Variants in CSMD1 observed in about 807,000 individuals in gnomAD.
The protein encoded by CSMD1 is CUB and Sushi multiple domains 1.
A neutral mutation model predicts 417.5 loss-of-function variants in CSMD1; 213 were observed. That is an observed-to-expected ratio of 0.51 (90% CI 0.46 to 0.57). The LOEUF is 0.57. Among genes scored for constraint, CSMD1 ranks in the 20% least tolerant of loss-of-function variants. The pLI, the probability that CSMD1 is intolerant of heterozygous loss-of-function variation, is 0.00. For synonymous variants in CSMD1, 2,862 were observed against 1,736.8 expected (o/e 1.65, Z -16.11); for missense variants, 6,923 against 4,529.7 (o/e 1.53, Z -15.17).
rs1159576856 is a variant in CSMD1 at position 3,411,676 on chromosome 8, A to C, written c.1562-2071T>G. 4.3e-5 allele frequency among the ~76,000 whole-genome samples: 3 copies of C among 70,144 alleles called. 1 individual carries two copies. The highest frequency in any genetic ancestry group is 1.3e-4 in the Admixed American group (1 of 7,504). The allele number at this position is 70,144 out of a possible 152,430, so 46.0% of individuals were successfully genotyped here. On this transcript the variant is annotated intron_variant, in intron 12 of 69. Transcript: ENST00000635120. ...CCATCATATATATATATACGTGTAT[A>C]TATACGTGTATATATACACACGTAT...
chr8:4,443,173 T>C (rs920375041), intron 2 of CSMD1, among the ~76,000 whole-genome samples: 58 of 152,348 alleles, frequency 3.8e-4, no homozygotes, highest in Non-Finnish European at 1.0e-4. Context: ...GGTAGAATTC[T>C]TACAGTGATA....
chr8:3,916,945 C>T (rs1373539921), intron 5 of CSMD1, among the ~76,000 whole-genome samples: 1 of 152,080 alleles, frequency 6.6e-6, no homozygotes, highest in Non-Finnish European at 1.5e-5. Flanking sequence ...CTAAAAGCTG[C>T]TCCTTCTCCT....
At chr8:4,725,237 T>A (rs925219306) in intron 1 of CSMD1, among the ~76,000 whole-genome samples, 15 of 152,296 alleles carry the variant, frequency 9.8e-5, no homozygotes, top group Admixed American at 9.8e-4. Context: ...CTGTTTAGTA[T>A]CACGAGCAAA....
chr8:4,801,971 C>G (rs1456216691), intron 1 of CSMD1, among the ~76,000 whole-genome samples: 1 of 152,172 alleles, frequency 6.6e-6, no homozygotes, highest in African/African-American at 2.4e-5. Context: ...TTCATATTTA[C>G]TGCATCCATC....
At chr8:4,263,922 A>G (rs1376437230) in intron 3 of CSMD1, among the ~76,000 whole-genome samples, 1 of 152,180 alleles carries the variant, frequency 6.6e-6, no homozygotes, top group East Asian at 1.9e-4. Context: ...TTTTCTAAAT[A>G]CAGTGTTTTT....
intron 9 of CSMD1, among the ~76,000 whole-genome samples, chr8:3,581,462 T>C (rs1198595826): frequency 2.0e-5 from 3 of 152,212 alleles, no homozygotes; most frequent in Non-Finnish European, 2.9e-5. Context: ...AATGTAAGCA[T>C]TGGCTAACCA....
intron 3 of CSMD1, among the ~76,000 whole-genome samples, chr8:4,244,124 G>C (rs1356476631): frequency 6.6e-6 from 1 of 152,144 alleles, no homozygotes; most frequent in Non-Finnish European, 1.5e-5. Flanking sequence ...GTGCGGATGA[G>C]TTTCGCGCAG....
At chr8:4,055,720 T>C (rs1170134860) in intron 3 of CSMD1, among the ~76,000 whole-genome samples, 1 of 152,128 alleles carries the variant, frequency 6.6e-6, no homozygotes, top group Non-Finnish European at 1.5e-5. Context: ...TAATTACAAA[T>C]AAAAACTTGC....
rs555284434 is a variant in CSMD1 at position 4,326,785 on chromosome 8, T to C, written c.415+93168A>G. On this transcript the variant is annotated intron_variant, in intron 3 of 69. Transcript: ENST00000635120. Reference sequence around the variant, plus strand: ...GAAGATGAGGTACGCAGAAATGGAATTCAGCTAAGAAATCACCAAGAAAAC... The same window carrying C: ...GAAGATGAGGTACGCAGAAATGGAACTCAGCTAAGAAATCACCAAGAAAAC... Among the ~76,000 whole-genome samples the C allele has an allele frequency of 5.9e-5, 9 of 152,254 alleles. No homozygotes were observed. The East Asian group carries it at 1.4e-3, about 23-fold the overall frequency.
chr8:3,845,505 G>C (rs944746079), intron 5 of CSMD1, among the ~76,000 whole-genome samples: 28 of 152,122 alleles, frequency 1.8e-4, no homozygotes, highest in African/African-American at 6.8e-4. Context: ...ACCTGTACAG[G>C]GTACTTGCCA....
At chr8:3,293,840 T>C (rs186216071) in intron 25 of CSMD1, among the ~76,000 whole-genome samples, 7 of 152,340 alleles carry the variant, frequency 4.6e-5, no homozygotes, top group Admixed American at 4.6e-4. Flanking sequence ...TCAAAGTCAT[T>C]CTCCATCCAG....
chr8:4,694,855 T>A (rs78418611), intron 1 of CSMD1, among the ~76,000 whole-genome samples: 7,568 of 152,236 alleles, frequency 0.05, 192 homozygotes, highest in East Asian at 0.092. Context: ...TCTCGTTTCA[T>A]AGCTCTCAGC....
At chr8:3,533,746 G>C (rs572126273) in intron 10 of CSMD1, among the ~76,000 whole-genome samples, 2 of 152,278 alleles carry the variant, frequency 1.3e-5, no homozygotes, top group South Asian at 2.1e-4. Context: ...GCTCCAAGGT[G>C]CTTGAGGCAT....
chr8:4,640,368 A>G (rs1803116518), intron 1 of CSMD1, among the ~76,000 whole-genome samples: 1 of 152,236 alleles, frequency 6.6e-6, no homozygotes, highest in African/African-American at 2.4e-5. Context: ...CTGCAACTTA[A>G]TACTGCATCT....
At chr8:3,208,222 T>A (rs1797413887) in intron 30 of CSMD1, among the ~76,000 whole-genome samples, 1 of 152,174 alleles carries the variant, frequency 6.6e-6, no homozygotes, top group South Asian at 2.1e-4. Flanking sequence ...AGTGGAAACG[T>A]CATCACTGGG....
At chr8:3,482,390 G>T (rs1382454147) in intron 11 of CSMD1, among the ~76,000 whole-genome samples, 1 of 152,088 alleles carries the variant, frequency 6.6e-6, no homozygotes, top group African/African-American at 2.4e-5. Context: ...ATCTGACAAA[G>T]TAGACTTAAG....
At chr8:2,963,640 G>A (rs576992395) in intron 59 of CSMD1, among the ~76,000 whole-genome samples, 1 of 152,250 alleles carries the variant, frequency 6.6e-6, no homozygotes, top group East Asian at 1.9e-4. Context: ...ATATAGGATT[G>A]AACATGACAT....
chr8:3,528,075 T>A (rs77444671), intron 10 of CSMD1, among the ~76,000 whole-genome samples: 2,185 of 152,220 alleles, frequency 0.014, 20 homozygotes, highest in Non-Finnish European at 0.02. Flanking sequence ...CACCCCCATA[T>A]AAGAACCACT....
chr8:3,214,629 C>T lies in CSMD1; in HGVS notation c.4735G>A (p.Asp1579Asn). 6.4e-7 allele frequency: 1 copy of T among 1,555,186 alleles called. No homozygotes were observed. Among genetic ancestry groups the T allele is most frequent in the Non-Finnish European group, 8.7e-7 (1 of 1,148,816 alleles). The change falls in exon 30 of 70, where the codon GAC (aspartate) becomes AAC (asparagine). Residue 1579 changes from aspartate (D) to asparagine (N), a missense_variant. By Grantham distance (23) the Asp-to-Asn change is conservative (BLOSUM62 1). Transcript: ENST00000635120. ...GTGATGGTGGAGCCAAGCTTGAAGT[C>T]TGTTCCAACTCTTGTCCCATTCATT... ...NIMNGTRVGT[D>N]FKLGSTITYQ...
Sources: allele counts gnomAD v4.1 joint callset (sites outside exome capture counted in the v4.1 genomes callset), GRCh38; gene constraint gnomAD v4.1.1; transcripts MANE v1.5; gene names NCBI Gene and HGNC (gene_info 2026-07-23, HGNC 2026-07-21).